ASCC3: variants seen among roughly 807,000 people sequenced by gnomAD.
The protein encoded by ASCC3 is activating signal cointegrator 1 complex subunit 3.
Under a neutral mutation model 256.3 loss-of-function variants are expected in ASCC3, and 158 were observed. The observed-to-expected ratio is 0.62, with a 90% CI of 0.54 to 0.70. The LOEUF is 0.70. ASCC3 is among the 30% of genes least tolerant of loss of function. The pLI, the probability that ASCC3 is intolerant of heterozygous loss-of-function variation, is 0.00. For missense variants in ASCC3, 2,259 were observed against 2,626.0 expected (o/e 0.86, Z 3.05); for synonymous variants, 948 against 883.4 (o/e 1.07, Z -1.30).
At chr6:100,786,389 C>T (rs1769083701) in intron 8 of ASCC3, among the ~76,000 whole-genome samples, 1 of 152,092 alleles carries the variant, frequency 6.6e-6, no homozygotes. Flanking sequence ...AGGAGATGTA[C>T]ATTTAAAATG....
chr6:100,580,865 GA>G (rs1274579483), intron 36 of ASCC3, among the ~76,000 whole-genome samples: 11 of 151,662 alleles, frequency 7.3e-5, no homozygotes, highest in Admixed American at 5.9e-4. Context: ...AGTTTACTGA[GA>G]ATGATGATTT....
intron 36 of ASCC3, among the ~76,000 whole-genome samples, chr6:100,566,129 C>G (rs1251037833): frequency 6.6e-6 from 1 of 152,082 alleles, no homozygotes. Flanking sequence ...AAAACAAAAA[C>G]CTGTCTAGAG....
chr6:100,778,536 G>C (rs1782296840), intron 8 of ASCC3, among the ~76,000 whole-genome samples: 1 of 151,616 alleles, frequency 6.6e-6, no homozygotes, highest in African/African-American at 2.4e-5. Flanking sequence ...TGTCAATTAG[G>C]GTTTATCAAC....
intron 10 of ASCC3, among the ~76,000 whole-genome samples, chr6:100,756,914 A>AC (rs1781206777): frequency 1.3e-5 from 2 of 152,170 alleles, no homozygotes; most frequent in African/African-American, 4.8e-5. Context: ...TTTAAAATGT[A>AC]CAAGACCTAT....
chr6:100,557,556 T>A (rs1399498080), intron 36 of ASCC3, among the ~76,000 whole-genome samples: 1 of 152,148 alleles, frequency 6.6e-6, no homozygotes, highest in Admixed American at 6.6e-5. Context: ...GACATTAGTA[T>A]AGCCACTGAC....
At chr6:100,641,253 C>T (rs1775106844) in intron 24 of ASCC3, among the ~76,000 whole-genome samples, 1 of 152,132 alleles carries the variant, frequency 6.6e-6, no homozygotes, top group African/African-American at 2.4e-5. Flanking sequence ...GTGAAAAACA[C>T]TATTGTATGA....
At chr6:100,705,478 T>C (rs1019117415) in intron 13 of ASCC3, among the ~76,000 whole-genome samples, 1 of 152,038 alleles carries the variant, frequency 6.6e-6, no homozygotes, top group Non-Finnish European at 1.5e-5. Flanking sequence ...GAGTCATAGT[T>C]CTTTTGTTTT....
rs145340049 is a variant in ASCC3 at position 100,739,665 on chromosome 6, G to A, written c.1738-13962C>T. On this transcript the variant is annotated intron_variant, in intron 10 of 41. Transcript: ENST00000369162. Reference sequence around the variant, plus strand: ...CAATTTCTTCCTGATCTAGTTTTGGGAAGGTATATGTATCCAGGAACTTAT... The same window carrying A: ...CAATTTCTTCCTGATCTAGTTTTGGAAAGGTATATGTATCCAGGAACTTAT... Among the ~76,000 whole-genome samples the A allele has an allele frequency of 2.5e-4, 38 of 152,192 alleles. 1 individual carries two copies. Among genetic ancestry groups the A allele is most frequent in the African/African-American group, 8.7e-4 (36 of 41,510 alleles).
chr6:100,655,223 G>A (rs377428394), intron 17 of ASCC3, among the ~76,000 whole-genome samples: 2 of 151,868 alleles, frequency 1.3e-5, no homozygotes, highest in Non-Finnish European at 3.0e-5. Context: ...ATATGGACTT[G>A]AATAGTGGAA....
chr6:100,574,028 G>A (rs1020213336), intron 36 of ASCC3, among the ~76,000 whole-genome samples: 2 of 152,012 alleles, frequency 1.3e-5, no homozygotes, highest in African/African-American at 4.8e-5. Flanking sequence ...CTAAACACTT[G>A]CCATGCTTAC....
intron 25 of ASCC3, among the ~76,000 whole-genome samples, chr6:100,636,615 TA>T (rs1774857132): frequency 6.6e-6 from 1 of 152,182 alleles, no homozygotes; most frequent in Non-Finnish European, 1.5e-5. Context: ...AAAGCTGAGA[TA>T]GGCCAAAAAG....
At chr6:100,661,362 A>AG (rs1186455670) in intron 16 of ASCC3, among the ~76,000 whole-genome samples, 11 of 83,460 alleles carry the variant, frequency 1.3e-4, no homozygotes, top group African/African-American at 3.5e-4. Flanking sequence ...CACACACAAA[A>AG]CAAATGATCA....
At chr6:100,768,227 G>A (rs953796113) in intron 8 of ASCC3, among the ~76,000 whole-genome samples, 3 of 152,070 alleles carry the variant, frequency 2.0e-5, no homozygotes, top group African/African-American at 4.8e-5. Flanking sequence ...TAGAATATAC[G>A]ATATTATTTT....
chr6:100,588,094 C>G (rs1279689621), intron 36 of ASCC3, among the ~76,000 whole-genome samples: 1 of 152,126 alleles, frequency 6.6e-6, no homozygotes, highest in Non-Finnish European at 1.5e-5. Flanking sequence ...GGCCCATACT[C>G]TGGTGCTAGA....
intron 8 of ASCC3, among the ~76,000 whole-genome samples, chr6:100,794,428 T>C (rs1769504807): frequency 6.6e-6 from 1 of 152,084 alleles, no homozygotes; most frequent in South Asian, 2.1e-4. Flanking sequence ...ACCTGCTTTG[T>C]CTATCTGGCA....
intron 8 of ASCC3, among the ~76,000 whole-genome samples, chr6:100,787,354 A>G (rs1562296463): frequency 1.3e-5 from 2 of 152,150 alleles, no homozygotes; most frequent in Non-Finnish European, 2.9e-5. Flanking sequence ...GTCGTAAAAC[A>G]TATCCTAAAA....
At chr6:100,681,805 T>C (rs748268588) in intron 13 of ASCC3, among the ~76,000 whole-genome samples, 23 of 150,392 alleles carry the variant, frequency 1.5e-4, no homozygotes, top group Non-Finnish European at 2.4e-4. Context: ...AGTTTGCAGG[T>C]ACTGGGACAT....
At chr6:100,878,736 T>G (rs1054251851) in intron 1 of ASCC3, among the ~76,000 whole-genome samples, 6 of 152,196 alleles carry the variant, frequency 3.9e-5, no homozygotes, top group Admixed American at 1.3e-4. Flanking sequence ...TGCCCTCTTG[T>G]GAGAGTGGAA....
chr6:100,571,274 T>C (rs1770578834), intron 36 of ASCC3, among the ~76,000 whole-genome samples: 1 of 152,248 alleles, frequency 6.6e-6, no homozygotes, highest in Admixed American at 6.5e-5. Context: ...CATGACTTGC[T>C]CCTGCATATT....
Sources: gnomAD v4.1 joint callset for allele counts (sites outside exome capture counted in the v4.1 genomes callset) on GRCh38, gnomAD v4.1.1 for gene constraint, MANE v1.5 for transcripts, NCBI Gene and HGNC (gene_info 2026-07-23, HGNC 2026-07-21) for gene names.